The following CLU variants were observed in gnomAD, a reference collection of about 807,000 sequenced individuals.
CLU encodes clusterin.
Under a neutral mutation model 46.4 loss-of-function variants are expected in CLU, and 25 were observed. The observed-to-expected ratio is 0.54, with a 90% confidence interval of 0.39 to 0.75. The LOEUF (loss-of-function observed/expected upper bound fraction) is 0.75. CLU is among the 30% of genes least tolerant of loss of function. CLU has a pLI of 0.00. For missense variants in CLU, 504 were observed against 592.1 expected, an observed-to-expected ratio of 0.85 and a Z score of 1.54; for synonymous variants, 235 against 235.1, an observed-to-expected ratio of 1.00 and a Z score of 0.00.
intron 1 of CLU, among the ~76,000 whole-genome samples, chr8:27,612,989 C>G (rs1209043333): frequency 6.6e-6 from 1 of 150,872 alleles, no homozygotes; most frequent in African/African-American, 2.4e-5. Flanking sequence ...GGGGAGCAGG[C>G]AGACTTTGGG....
At chr8:27,607,369 C>CAA (rs1179367779) in intron 3 of CLU, among the ~76,000 whole-genome samples, 1 of 146,104 alleles carries the variant, frequency 6.8e-6, no homozygotes, top group Non-Finnish European at 1.5e-5. Context: ...CAAAACAAAA[C>CAA]AAAGACTCTA....
rs1042566770 is a variant in CLU at position 27,597,228 on chromosome 8, T to C, written c.*1013A>G. On this transcript the variant is annotated 3_prime_UTR_variant, in exon 9 of 9. Coordinates refer to ENST00000316403, the MANE Select transcript of CLU (RefSeq NM_001831.4). ...ATGCAGCCAGATGAGTTTTGTTCCA[T>C]TGCAGTACATCTGATGACCAGAATT... 4.4e-6 allele frequency: 2 copies of C among 454,308 alleles called. No homozygotes were observed. Among genetic ancestry groups the C allele is most frequent in the East Asian group, 6.9e-5 (1 of 14,412 alleles). The allele number at this position is 454,308 out of a possible 1,614,324, so 28.1% of individuals were successfully genotyped here.
In CLU at chr8:27,598,608, C is replaced by A; in HGVS notation, c.1192G>T (p.Val398Phe). The A allele has an allele frequency of 6.2e-7, 1 of 1,614,092 alleles. No homozygotes were observed. Among genetic ancestry groups the A allele is most frequent in the Non-Finnish European group, 8.5e-7 (1 of 1,180,032 alleles). The change falls in exon 8 of 9, where the codon GTT (valine) becomes TTT (phenylalanine). Residue 398 changes from valine (V) to phenylalanine (F), a missense_variant. By Grantham distance (50) the Val-to-Phe change is conservative. This residue lies in a region of CLU where 428 missense variants were observed against 484.0 expected (regional missense o/e 0.88). Coordinates refer to ENST00000316403, the MANE Select transcript of CLU (RefSeq NM_001831.4). ...ACCACCTCAGTGACACCGGAAGGAA[C>A]GTCCGAGTCAGAAGTGTGGGAAGCC... is the stretch of plus-strand genomic sequence containing the variant. ...TVASHTSDSDVPSGVTEVVVK... is the reference protein window; with the variant it reads ...TVASHTSDSDFPSGVTEVVVK...
intron 7 of CLU, 186 bp from the exon 8 acceptor site, chr8:27,598,821 C>T (rs1171907447): frequency 6.4e-6 from 4 of 626,272 alleles, no homozygotes; most frequent in South Asian, 1.9e-5. Context: ...GGACCTGGTT[C>T]ACAGACACTC....
At position 27,599,767 on chromosome 8, in the gene CLU, G is replaced by T; in HGVS notation, c.1164+13C>A. On this transcript the variant is annotated intron_variant, in intron 7 of 8. Coordinates refer to ENST00000316403, the MANE Select transcript of CLU (RefSeq NM_001831.4). The surrounding 1 kb of genome is among the most constrained non-coding windows in gnomAD (Gnocchi z 4.0). ...GCTCCCGAGCCACAGCATGTGGCCGGGACACAGCTCACCGTGGTGACCCGC... is the reference window on the plus strand; with the variant it reads ...GCTCCCGAGCCACAGCATGTGGCCGTGACACAGCTCACCGTGGTGACCCGC... The T allele has an allele frequency of 1.9e-6, 3 of 1,593,412 alleles. No homozygotes were observed. In the South Asian group the frequency reaches 3.4e-5, roughly 18 times the overall value.
chr8:27,614,274 A>G (rs1295990983), intron 1 of CLU: 1 of 167,088 alleles, frequency 6.0e-6, no homozygotes, highest in African/African-American at 2.4e-5. Flanking sequence ...TTCGCAGAGG[A>G]TATGCTGCAG....
chr8:27,598,722 GA>G, intron 7 of CLU, 87 bp from the exon 8 acceptor site: 1 of 1,338,740 alleles, frequency 7.5e-7, no homozygotes, highest in Non-Finnish European at 1.1e-6. Flanking sequence ...TTCTGATAAG[GA>G]AGTCCTCCTG....
intron 1 of CLU, chr8:27,614,172 C>T (rs1800975116): frequency 6.6e-6 from 1 of 152,596 alleles, no homozygotes; most frequent in African/African-American, 2.4e-5. Flanking sequence ...CTCATACTTA[C>T]AGGCAACAGT....
In CLU at chr8:27,612,939, G is replaced by A. The variant is rs367574298; in HGVS notation, c.-30+1716C>T. On this transcript the variant is annotated intron_variant, in intron 1 of 8. Coordinates refer to ENST00000316403, the MANE Select transcript of CLU (RefSeq NM_001831.4). ...AAAGGGGCTGCTCAGGGGAAGAGGA[G>A]GAGGAGAAGATGGCGGGGGGTGGGG... is the stretch of plus-strand genomic sequence containing the variant. Among the ~76,000 whole-genome samples the A allele has an allele frequency of 4.5e-4, 66 of 148,196 alleles. 2 individuals are homozygous for A. The East Asian group carries it at 6.8e-3, about 15-fold the overall frequency.
At chr8:27,610,752 G>C (rs1483979816) in intron 1 of CLU, 152 bp from the exon 2 acceptor site, 1 of 640,716 alleles carries the variant, frequency 1.6e-6, no homozygotes, top group Non-Finnish European at 2.8e-6. Context: ...GAAATGGGGG[G>C]AAATGACCAG....
chr8:27,608,081 T>C (rs928033144), intron 3 of CLU, among the ~76,000 whole-genome samples: 1 of 151,902 alleles, frequency 6.6e-6, no homozygotes, highest in Non-Finnish European at 1.5e-5. Context: ...TGAGAACTGA[T>C]ACTAAGGCCA....
chr8:27,609,026 AC>A lies in CLU; in HGVS notation c.157del (p.Val53Ter). ...NKEIQNAVNG[V>X]KQIKTLIEKT... Reference sequence around the variant, plus strand: ...TTCTATGAGAGTCTTTATCTGTTTCACCCCGTTGACAGCATTTTGAATTTCC... The same window carrying A: ...TTCTATGAGAGTCTTTATCTGTTTCACCCGTTGACAGCATTTTGAATTTCC... On this transcript the variant is annotated frameshift_variant, in exon 3 of 9. Transcript: ENST00000316403. LOFTEE classifies it high-confidence loss of function. 1.2e-6 allele frequency: 2 copies of A among 1,613,978 alleles called. No individual in the cohort carries two copies. The highest frequency in any genetic ancestry group is 1.7e-6 in the Non-Finnish European group (2 of 1,179,944).
chr8:27,607,532 T>G (rs2128909596), intron 3 of CLU, among the ~76,000 whole-genome samples: 2 of 152,000 alleles, frequency 1.3e-5, no homozygotes, highest in African/African-American at 4.8e-5. Flanking sequence ...AGATGGTACA[T>G]CATTACAAAG....
intron 6 of CLU, among the ~76,000 whole-genome samples, chr8:27,603,262 GA>G (rs1800754907): frequency 6.6e-6 from 1 of 152,152 alleles, no homozygotes; most frequent in African/African-American, 2.4e-5. Context: ...ATTTTTTATA[GA>G]AAAAGCCCCA....
chr8:27,610,517 G>A lies in CLU; in HGVS notation c.55C>T (p.Gln19Ter). 1 of 1,614,210 alleles carries A rather than the reference G, an allele frequency of 6.2e-7. No individual in the cohort carries two copies. Among genetic ancestry groups the A allele is most frequent in the Non-Finnish European group, 8.5e-7 (1 of 1,180,020 alleles). Reference protein sequence around the residue: ...VGLLLTWESGQVLGDQTVSDN... With the variant: ...VGLLLTWESG The stretch of plus-strand genomic sequence containing the variant: ...GAGACCGTCTGGTCCCCCAGGACCT[G>A]CCCACTCTCCCAGGTCAGCAGCAGC... The change falls in exon 2 of 9, where the codon CAG becomes TAG. Residue 19 changes from glutamine to a stop codon, truncating the protein, a stop_gained. Coordinates refer to ENST00000316403, the MANE Select transcript of CLU (RefSeq NM_001831.4). LOFTEE classifies it high-confidence loss of function.
intron 1 of CLU, among the ~76,000 whole-genome samples, chr8:27,612,679 G>T (rs17515931): frequency 0.22 from 33,076 of 151,842 alleles, 4,000 homozygotes; most frequent in East Asian, 0.29. Context: ...GCTGATCCAA[G>T]GAATGTTCTA....
chr8:27,599,667 A>G lies in CLU; in HGVS notation c.1164+113T>C. On this transcript the variant is annotated intron_variant, in intron 7 of 8. Transcript: ENST00000316403. This position sits in a 1 kb window ranked among gnomAD's most constrained non-coding sequence, Gnocchi z 4.0. ...GGCTTCAAGGCAACAGGGGCGCCTA[A>G]AGTTTTCTATTTTCTGCCGTGTGAT... The G allele has an allele frequency of 1.2e-6, 1 of 827,644 alleles. No homozygotes were observed. Among genetic ancestry groups the G allele is most frequent in the Non-Finnish European group, 2.0e-6 (1 of 498,374 alleles). 51.3% of individuals were successfully genotyped at this position (827,644 alleles called of 1,614,324 possible).
chr8:27,597,682 C>T lies in CLU; in HGVS notation c.*559G>A. On this transcript the variant is annotated 3_prime_UTR_variant, in exon 9 of 9. Transcript: ENST00000316403. ...TGTATTCCTTTAGGAGATTGTCGCA[C>T]CTTGGTCAGAATACATCGACAGTTT... The T allele has an allele frequency of 2.2e-6, 1 of 454,152 alleles. No individual in the cohort carries two copies. The highest frequency in any genetic ancestry group is 1.6e-5 in the South Asian group (1 of 64,474). The allele number at this position is 454,152 out of a possible 1,614,324, so 28.1% of individuals were successfully genotyped here.
Position 27,612,394 on chromosome 8 carries a change from C to T in CLU, c.-29-1794G>A, listed in dbSNP as rs192785752. Among the ~76,000 whole-genome samples, 226 of 152,256 alleles carry T rather than the reference C, an allele frequency of 1.5e-3. 2 individuals are homozygous for T. Among genetic ancestry groups the T allele is most frequent in the Non-Finnish European group, 7.2e-4 (49 of 68,002 alleles). ...GAGAGGGGAATGTGTTCTGTAAACACGAGGGTCTTATGTAATCATAGTAAA... is the reference window on the plus strand; with the variant it reads ...GAGAGGGGAATGTGTTCTGTAAACATGAGGGTCTTATGTAATCATAGTAAA... On this transcript the variant is annotated intron_variant, in intron 1 of 8. Coordinates refer to ENST00000316403, the MANE Select transcript of CLU (RefSeq NM_001831.4).
Sources: allele counts gnomAD v4.1 joint callset (sites outside exome capture counted in the v4.1 genomes callset), GRCh38; gene constraint gnomAD v4.1.1; regional missense constraint gnomAD v4.1.1; non-coding constraint Gnocchi (gnomAD v3.1); transcripts MANE v1.5; gene names NCBI Gene and HGNC (gene_info 2026-07-23, HGNC 2026-07-21).